The following DPYD variants were observed in gnomAD, a reference collection of about 807,000 sequenced individuals.
DPYD encodes the protein dihydropyrimidine dehydrogenase [NADP(+)].
In DPYD, 109 loss-of-function variants were observed where a neutral mutation model predicts 116.2. The ratio of observed to expected loss-of-function variants is 0.94; its 90% CI spans 0.80 to 1.10. The LOEUF is 1.10. Among genes scored for constraint, DPYD ranks in the 50% least tolerant of loss-of-function variants. The pLI is 0.00. For synonymous variants in DPYD, 440 were observed against 432.0 expected (o/e 1.02, Z -0.23); for missense variants, 1,302 against 1,254.5 (o/e 1.04, Z -0.57).
At chr1:97,757,068 C>A (rs1331066732) in intron 3 of DPYD, among the ~76,000 whole-genome samples, 1 of 152,090 alleles carries the variant, frequency 6.6e-6, no homozygotes, top group African/African-American at 2.4e-5. Flanking sequence ...CTAACTGTAT[C>A]CCCAAATATC....
chr1:97,884,091 A>G (rs1432139631), intron 1 of DPYD, among the ~76,000 whole-genome samples: 2 of 151,974 alleles, frequency 1.3e-5, no homozygotes, highest in South Asian at 4.1e-4. Flanking sequence ...AAGCTAAAAT[A>G]TATGTTTAAA....
At chr1:97,445,994 T>C (rs1445595465) in intron 14 of DPYD, among the ~76,000 whole-genome samples, 2 of 152,186 alleles carry the variant, frequency 1.3e-5, no homozygotes, top group East Asian at 1.9e-4. Context: ...CCCAAAGTGC[T>C]GGGATTACAG....
At chr1:97,818,805 C>T (rs1668770339) in intron 3 of DPYD, among the ~76,000 whole-genome samples, 1 of 151,908 alleles carries the variant, frequency 6.6e-6, no homozygotes, top group Non-Finnish European at 1.5e-5. Flanking sequence ...CATATACACA[C>T]ATTCATATTA....
chr1:97,401,473 C>G (rs188783644), intron 14 of DPYD, among the ~76,000 whole-genome samples: 39 of 152,126 alleles, frequency 2.6e-4, no homozygotes, highest in African/African-American at 8.9e-4. Flanking sequence ...ACCATCATGT[C>G]CAGCTAATTT....
intron 13 of DPYD, among the ~76,000 whole-genome samples, chr1:97,482,140 A>G (rs931649003): frequency 6.6e-6 from 1 of 152,178 alleles, no homozygotes; most frequent in African/African-American, 2.4e-5. Context: ...TTGAAAGAGG[A>G]GTCTAAGGGG....
intron 16 of DPYD, among the ~76,000 whole-genome samples, chr1:97,319,325 A>G (rs1668083385): frequency 6.6e-6 from 1 of 150,932 alleles, no homozygotes; most frequent in Admixed American, 6.6e-5. Context: ...CAAAATTGAT[A>G]GACTGCTAGC....
At chr1:97,797,471 A>C (rs1029510960) in intron 3 of DPYD, 1 of 152,048 alleles carries the variant, frequency 6.6e-6, no homozygotes, top group Admixed American at 6.6e-5. Context: ...TTTTCAGCAC[A>C]GAATTTTGAA....
intron 5 of DPYD, chr1:97,719,673 C>A (rs897052583): frequency 2.0e-6 from 2 of 981,936 alleles, no homozygotes; most frequent in Non-Finnish European, 2.4e-6. Flanking sequence ...TTTAAGTAAA[C>A]CACACACTGA....
intron 14 of DPYD, among the ~76,000 whole-genome samples, chr1:97,422,591 A>G (rs1219415823): frequency 6.6e-6 from 1 of 152,126 alleles, no homozygotes; most frequent in Non-Finnish European, 1.5e-5. Context: ...GGTCACTAGT[A>G]TTACTTCACA....
At chr1:97,225,425 A>G (rs1661077130) in intron 19 of DPYD, among the ~76,000 whole-genome samples, 1 of 152,002 alleles carries the variant, frequency 6.6e-6, no homozygotes, top group Admixed American at 6.6e-5. Flanking sequence ...TTCTTTACTC[A>G]AAGATATTTA....
intron 3 of DPYD, among the ~76,000 whole-genome samples, chr1:97,761,543 C>A (rs184879268): frequency 6.6e-6 from 1 of 152,160 alleles, no homozygotes; most frequent in Admixed American, 6.6e-5. Flanking sequence ...GGCAAGGTTG[C>A]TGAGAAAAGG....
chr1:97,305,827 T>C (rs1473953631), intron 17 of DPYD, among the ~76,000 whole-genome samples: 2 of 152,004 alleles, frequency 1.3e-5, no homozygotes, highest in Admixed American at 1.3e-4. Flanking sequence ...TCTTTTTTTC[T>C]TTTTTACTCA....
At chr1:97,907,152 G>A (rs926554792) in intron 1 of DPYD, among the ~76,000 whole-genome samples, 7 of 152,006 alleles carry the variant, frequency 4.6e-5, no homozygotes, top group East Asian at 1.9e-4. Flanking sequence ...ACCCAAAATC[G>A]TGCAATTTAA....
At chr1:97,323,537 T>C (rs1344705709) in intron 16 of DPYD, among the ~76,000 whole-genome samples, 1 of 132,752 alleles carries the variant, frequency 7.5e-6, no homozygotes, top group Non-Finnish European at 1.6e-5. Flanking sequence ...TATATATACA[T>C]ATCATATATA....
At chr1:97,212,106 G>A (rs1417331577) in intron 19 of DPYD, among the ~76,000 whole-genome samples, 5 of 140,716 alleles carry the variant, frequency 3.6e-5, no homozygotes, top group African/African-American at 5.5e-5. Context: ...CCCACTATAC[G>A]TGTGCAAGGC....
At chr1:97,411,675 T>C (rs2101668519) in intron 14 of DPYD, among the ~76,000 whole-genome samples, 1 of 152,326 alleles carries the variant, frequency 6.6e-6, no homozygotes, top group East Asian at 1.9e-4. Flanking sequence ...ACCAAAAATG[T>C]TTCCCACATT....
intron 13 of DPYD, among the ~76,000 whole-genome samples, chr1:97,463,009 C>T (rs571273090): frequency 1.7e-3 from 258 of 152,280 alleles, no homozygotes; most frequent in African/African-American, 5.7e-3. Context: ...ACTCTTTCAA[C>T]CAACTTCCAA....
At chr1:97,372,759 G>A (rs1210236108) in intron 16 of DPYD, among the ~76,000 whole-genome samples, 1 of 151,912 alleles carries the variant, frequency 6.6e-6, no homozygotes, top group Non-Finnish European at 1.5e-5. Context: ...AAAAAAAGGT[G>A]GGGACCTACT....
At chr1:97,397,230 T>C (rs1287429629) in intron 14 of DPYD, among the ~76,000 whole-genome samples, 2 of 152,022 alleles carry the variant, frequency 1.3e-5, no homozygotes, top group African/African-American at 4.8e-5. Flanking sequence ...TATACGCATG[T>C]ATAAAAGATC....
Sources: allele counts gnomAD v4.1 joint callset (sites outside exome capture counted in the v4.1 genomes callset), GRCh38; gene constraint gnomAD v4.1.1; transcripts MANE v1.5; gene names NCBI Gene and HGNC (gene_info 2026-07-23, HGNC 2026-07-21).